Variants in UNC5B observed in about 807,000 individuals in gnomAD.
UNC5B encodes the protein netrin receptor UNC5B.
UNC5B carries 56 observed loss-of-function variants against 103.7 expected under a neutral mutation model. The ratio of observed to expected loss-of-function variants is 0.54; its 90% confidence interval spans 0.44 to 0.67. The LOEUF is 0.67. Ranked by LOEUF, UNC5B falls within the 30% of genes least tolerant of loss-of-function variation. The probability of loss-of-function intolerance (pLI) is 0.00; values close to 1 mark genes in which losing one functional copy is unlikely to be tolerated. For synonymous variants in UNC5B, 577 were observed against 542.0 expected (o/e 1.06, Z -0.90); for missense variants, 1,194 against 1,284.5 (o/e 0.93, Z 1.08).
intron 13 of UNC5B, among the ~76,000 whole-genome samples, chr10:71,294,214 T>C (rs962174273): frequency 2.6e-5 from 4 of 152,102 alleles, no homozygotes; most frequent in African/African-American, 9.7e-5. Context: ...GGGCTTGGGC[T>C]GGTAGGGAGG....
At chr10:71,270,140 A>G (rs1468882055) in intron 1 of UNC5B, among the ~76,000 whole-genome samples, 1 of 152,140 alleles carries the variant, frequency 6.6e-6, no homozygotes, top group Admixed American at 6.5e-5. Context: ...ACCTGAGGTC[A>G]GGAGTTCGAG....
At chr10:71,231,011 CAG>C (rs1370638484) in intron 1 of UNC5B, among the ~76,000 whole-genome samples, 1 of 152,212 alleles carries the variant, frequency 6.6e-6, no homozygotes, top group African/African-American at 2.4e-5. Context: ...TTAACCCTGT[CAG>C]AGCAGAGATG....
At chr10:71,298,947 T>C (rs1030307706) in intron 16 of UNC5B, among the ~76,000 whole-genome samples, 165 bp from the exon 17 acceptor site, 4 of 151,960 alleles carry the variant, frequency 2.6e-5, no homozygotes, top group Admixed American at 1.3e-4. Context: ...GGTTCTGAAT[T>C]GCCGAGAGCC....
chr10:71,226,048 C>T (rs1443718928), intron 1 of UNC5B, among the ~76,000 whole-genome samples: 1 of 152,164 alleles, frequency 6.6e-6, no homozygotes, highest in Non-Finnish European at 1.5e-5. Flanking sequence ...CTTATCAGAT[C>T]ATAAGCGTTT....
At position 71,268,840 on chromosome 10, in the gene UNC5B, G is replaced by GAAAGTGACAGGAC. The variant is rs540397204; in HGVS notation, c.80-10979_80-10967dup. ...CAAGGCATTTTGGACTTTTCTGGGA[G>GAAAGTGACAGGAC]AAAGTGACAGGACACTGGGCATCTT... On this transcript the variant is annotated intron_variant, in intron 1 of 16. Coordinates refer to ENST00000335350, the MANE Select transcript of UNC5B (RefSeq NM_170744.5). Among the ~76,000 whole-genome samples the GAAAGTGACAGGAC allele has an allele frequency of 1.1e-4, 16 of 152,330 alleles. 1 individual carries two copies. The South Asian group carries it at 3.3e-3, about 32-fold the overall frequency.
chr10:71,229,083 T>C (rs1843630048), intron 1 of UNC5B, among the ~76,000 whole-genome samples: 3 of 152,192 alleles, frequency 2.0e-5, no homozygotes, highest in Admixed American at 6.5e-5. Flanking sequence ...GGAATCGAAC[T>C]TGGAGCTGCT....
At chr10:71,219,651 T>C (rs1363100141) in intron 1 of UNC5B, among the ~76,000 whole-genome samples, 1 of 152,092 alleles carries the variant, frequency 6.6e-6, no homozygotes. Flanking sequence ...TTCCATCCAA[T>C]CAAGTTGACA....
chr10:71,238,802 CAG>C (rs1168681360), intron 1 of UNC5B, among the ~76,000 whole-genome samples: 1 of 152,136 alleles, frequency 6.6e-6, no homozygotes, highest in Non-Finnish European at 1.5e-5. Context: ...ATTTTAAAGA[CAG>C]GGTCTTGTTC....
chr10:71,279,615 C>T (rs1844864261), intron 1 of UNC5B, among the ~76,000 whole-genome samples: 1 of 152,230 alleles, frequency 6.6e-6, no homozygotes, highest in African/African-American at 2.4e-5. Context: ...AGCCCAGCCT[C>T]TTAAAAGCAG....
intron 1 of UNC5B, among the ~76,000 whole-genome samples, chr10:71,259,754 A>C (rs898512134): frequency 6.6e-6 from 1 of 152,222 alleles, no homozygotes; most frequent in Non-Finnish European, 1.5e-5. Context: ...CAGGCCCCAC[A>C]GGGAGGGAGT....
rs144325233 is a variant in UNC5B at position 71,216,452 on chromosome 10, A to C, written c.79+3388A>C. ...AGCTCTGAGACCAGGCAAGTGCCCA[A>C]AGGTGGCTCCCCCAACCCCCAGCAT... On this transcript the variant is annotated intron_variant, in intron 1 of 16. Coordinates refer to ENST00000335350, the MANE Select transcript of UNC5B (RefSeq NM_170744.5). Among the ~76,000 whole-genome samples, 776 of 152,282 alleles carry C rather than the reference A, an allele frequency of 5.1e-3. 10 individuals carry two copies. Among genetic ancestry groups the C allele is most frequent in the African/African-American group, 0.018 (732 of 41,554 alleles).
intron 1 of UNC5B, among the ~76,000 whole-genome samples, chr10:71,248,021 G>A (rs930087062): frequency 6.6e-6 from 1 of 152,124 alleles, no homozygotes; most frequent in African/African-American, 2.4e-5. Context: ...GGGTAGGAGT[G>A]GACTCAATTG....
chr10:71,286,869 G>A lies in UNC5B; in HGVS notation c.733G>A (p.Val245Met), dbSNP rs112837792. Residue 245 changes from valine (V) to methionine (M), a missense_variant and splice_region_variant, in exon 5 of 17, where the codon GTG becomes ATG. By Grantham distance (21) the Val-to-Met change is conservative. Transcript: ENST00000335350. ...RSTTATVIVY[V>M]NGGWSSWAEW... ...CACCACTGCCACCGTCATCGTCTAC[G>A]GTGCGGGCCTTTCGGAGTGGGAGGG... The A allele has an allele frequency of 8.6e-5, 138 of 1,612,640 alleles. No homozygotes were observed. In the East Asian group the frequency reaches 1.5e-3, roughly 17 times the overall value.
At chr10:71,225,414 G>A (rs1339688810) in intron 1 of UNC5B, among the ~76,000 whole-genome samples, 1 of 152,114 alleles carries the variant, frequency 6.6e-6, no homozygotes, top group African/African-American at 2.4e-5. Flanking sequence ...GCTGGCCACA[G>A]CTGTTGAGCT....
In UNC5B at chr10:71,235,551, G is replaced by T. The variant is rs1317443474; in HGVS notation, c.79+22487G>T. ...CTGGAGAGCACCCAGAGGGGATGTG[G>T]TAGAGGCTTCAGCCAGCCAGACGGC... On this transcript the variant is annotated intron_variant, in intron 1 of 16. Coordinates refer to ENST00000335350, the MANE Select transcript of UNC5B (RefSeq NM_170744.5). Among the ~76,000 whole-genome samples, 18 of 152,214 alleles carry T rather than the reference G, an allele frequency of 1.2e-4. 1 individual carries two copies. The highest frequency in any genetic ancestry group is 9.2e-4 in the Admixed American group (14 of 15,276).
chr10:71,267,977 C>T (rs1844558084), intron 1 of UNC5B, among the ~76,000 whole-genome samples: 1 of 152,214 alleles, frequency 6.6e-6, no homozygotes, highest in Admixed American at 6.5e-5. Context: ...CTGAGGTCCC[C>T]AGGATGTTCC....
chr10:71,231,046 C>T (rs1231413770), intron 1 of UNC5B, among the ~76,000 whole-genome samples: 1 of 152,196 alleles, frequency 6.6e-6, no homozygotes, highest in Non-Finnish European at 1.5e-5. Flanking sequence ...AAATCACTTC[C>T]TCTCTCTGAG....
chr10:71,263,431 C>T (rs10823712), intron 1 of UNC5B, among the ~76,000 whole-genome samples: 4,033 of 152,244 alleles, frequency 0.026, 77 homozygotes, highest in African/African-American at 0.049. Flanking sequence ...AGCCAGGGCA[C>T]GGGGGAGGGG....
intron 1 of UNC5B, among the ~76,000 whole-genome samples, chr10:71,231,910 G>T (rs1843691748): frequency 6.6e-6 from 1 of 152,162 alleles, no homozygotes; most frequent in African/African-American, 2.4e-5. Flanking sequence ...AGTCCCCCAG[G>T]TGGTCCTCTT....
Sources: gnomAD v4.1 joint callset for allele counts (sites outside exome capture counted in the v4.1 genomes callset) on GRCh38, gnomAD v4.1.1 for gene constraint, MANE v1.5 for transcripts, NCBI Gene and HGNC (gene_info 2026-07-23, HGNC 2026-07-21) for gene names.